The following DLGAP3 variants were observed in gnomAD, a reference collection of about 807,000 sequenced individuals.
DLGAP3 encodes DLG associated protein 3.
Under a neutral mutation model 81.2 loss-of-function variants are expected in DLGAP3, and 17 were observed. The observed-to-expected ratio is 0.21, with a 90% CI of 0.14 to 0.31. The LOEUF (loss-of-function observed/expected upper bound fraction) is 0.31, where lower values mean the gene tolerates loss of function less well. Ranked by LOEUF, DLGAP3 falls within the 10% of genes least tolerant of loss-of-function variation. The probability of loss-of-function intolerance (pLI) is 1.00; values close to 1 mark genes in which losing one functional copy is unlikely to be tolerated. For missense variants in DLGAP3, 1,124 were observed against 1,388.0 expected (o/e 0.81, Z 3.02); for synonymous variants, 577 against 587.4 (o/e 0.98, Z 0.26).
chr1:34,889,878 G>A (rs1639287298), intron 5 of DLGAP3, among the ~76,000 whole-genome samples: 1 of 152,218 alleles, frequency 6.6e-6, no homozygotes, highest in African/African-American at 2.4e-5. Flanking sequence ...GAGGCGGGAG[G>A]TGGGGGCAGG....
intron 1 of DLGAP3, among the ~76,000 whole-genome samples, chr1:34,917,778 A>G (rs1373763543): frequency 6.6e-6 from 1 of 152,232 alleles, no homozygotes. Flanking sequence ...ACATCTGCTC[A>G]AGGTCATTCA....
rs1422188483 is a variant in DLGAP3, at chr1:34,904,479, T to C, written c.905A>G (p.Lys302Arg). The stretch of plus-strand genomic sequence containing the variant: ...GCCTTCCGACCCGCCCGAGCGCCCC[T>C]TGAAGCTCAAGTCCCGGTAGGACCC... The part of the protein sequence containing the change: ...PDGSYRDLSF[K>R]GRSGGSEGRC... Residue 302 changes from lysine to arginine, a missense_variant, in exon 3 of 12, where the codon AAG becomes AGG. Around this residue, in one of 9 missense-constraint regions of DLGAP3, gnomAD observed 357 missense variants for 408.8 expected, o/e 0.87. Coordinates refer to ENST00000373347, the MANE Select transcript of DLGAP3 (RefSeq NM_001080418.3). The surrounding 1 kb of genome is among the most constrained non-coding windows in gnomAD (Gnocchi z 8.1). 14 of 1,614,066 alleles carry C rather than the reference T, an allele frequency of 8.7e-6. No individual in the cohort carries two copies. The highest frequency in any genetic ancestry group is 6.7e-5 in the African/African-American group (5 of 74,940).
chr1:34,883,928 G>C (rs577781533), intron 8 of DLGAP3, among the ~76,000 whole-genome samples: 3 of 151,874 alleles, frequency 2.0e-5, no homozygotes, highest in Non-Finnish European at 4.4e-5. Flanking sequence ...TTTGTGTTTT[G>C]GGTTTTTTTT....
At position 34,905,482 on chromosome 1, in the gene DLGAP3, C is replaced by T. The variant is rs80255217; in HGVS notation, c.-51-48G>A. 8.6e-3 allele frequency: 11,279 copies of T among 1,307,804 alleles called. 91 individuals carry two copies. The highest frequency in any genetic ancestry group is 9.5e-3 in the Non-Finnish European group (9,165 of 968,584). 81.0% of individuals were successfully genotyped at this position (1,307,804 alleles called of 1,614,324 possible). On this transcript the variant is annotated intron_variant, in intron 2 of 11. Coordinates refer to ENST00000373347, the MANE Select transcript of DLGAP3 (RefSeq NM_001080418.3). ...TATTTGAATTGAACAGCCCTCTTCA[C>T]CTAAAACCATCTTTTATTAGGCATC... is the stretch of plus-strand genomic sequence containing the variant.
chr1:34,924,588 C>T (rs1639841487), intron 1 of DLGAP3, among the ~76,000 whole-genome samples: 1 of 152,272 alleles, frequency 6.6e-6, no homozygotes, highest in East Asian at 1.9e-4. Flanking sequence ...TTCTCTTAAT[C>T]CAGAACCACC....
At position 34,902,012 on chromosome 1, in the gene DLGAP3, G is replaced by A. The variant is rs6425923; in HGVS notation, c.1108-1739C>T. The stretch of plus-strand genomic sequence containing the variant: ...AAGAAGGATCGGCCTGGGATGGGTG[G>A]TCCCAGCTTTTCCTATGAGCCAAGG... On this transcript the variant is annotated intron_variant, in intron 3 of 11. Coordinates refer to ENST00000373347, the MANE Select transcript of DLGAP3 (RefSeq NM_001080418.3). The surrounding 1 kb of genome is among the most constrained non-coding windows in gnomAD (Gnocchi z 4.4). 7.9e-3 allele frequency among the ~76,000 whole-genome samples: 1,204 copies of A among 152,250 alleles called. 22 individuals carry two copies. Among genetic ancestry groups the A allele is most frequent in the African/African-American group, 0.028 (1,143 of 41,528 alleles).
At position 34,873,280 on chromosome 1, in the gene DLGAP3, T is replaced by G. The variant is rs1476224810; in HGVS notation, c.2001-4191A>C. ...CAGAAGTCCCACCAGTTGACCCCAA[T>G]CATCACAATGAAGTGGGCGATGGGG... On this transcript the variant is annotated intron_variant, in intron 8 of 11. Coordinates refer to ENST00000373347, the MANE Select transcript of DLGAP3 (RefSeq NM_001080418.3). The surrounding 1 kb of genome is among the most constrained non-coding windows in gnomAD (Gnocchi z 4.2). Among the ~76,000 whole-genome samples the G allele has an allele frequency of 2.0e-5, 3 of 152,146 alleles. No homozygotes were observed. Among genetic ancestry groups the G allele is most frequent in the Non-Finnish European group, 4.4e-5 (3 of 68,030 alleles).
chr1:34,908,834 C>A (rs1321777283), intron 1 of DLGAP3, among the ~76,000 whole-genome samples: 2 of 152,224 alleles, frequency 1.3e-5, no homozygotes, highest in Non-Finnish European at 2.9e-5. Flanking sequence ...ACTAGGGTGA[C>A]CTCACAGATA....
intron 1 of DLGAP3, among the ~76,000 whole-genome samples, chr1:34,911,742 C>T (rs1041088670): frequency 6.6e-6 from 1 of 152,160 alleles, no homozygotes; most frequent in African/African-American, 2.4e-5. Context: ...GGCTGCCAGG[C>T]TGGCAGGGTT....
intron 5 of DLGAP3, among the ~76,000 whole-genome samples, chr1:34,888,344 A>T (rs1262694361): frequency 6.6e-6 from 1 of 152,208 alleles, no homozygotes; most frequent in African/African-American, 2.4e-5. Context: ...TTGTCTGAGG[A>T]TGCCCAGCTG....
Position 34,895,917 on chromosome 1 carries a change from TAC to T in DLGAP3, c.1386+3750_1386+3751del, listed in dbSNP as rs34456104. On this transcript the variant is annotated intron_variant, in intron 5 of 11. Transcript: ENST00000373347. The surrounding 1 kb of genome is among the most constrained non-coding windows in gnomAD (Gnocchi z 4.5). ...CTGGACCCCTAACTTGAATCACACA[TAC>T]ACACACACACACACACACACACACA... is the stretch of plus-strand genomic sequence containing the variant. Among the ~76,000 whole-genome samples, 37,200 of 144,166 alleles carry T rather than the reference TAC, an allele frequency of 0.26. 4,787 individuals are homozygous for T. The highest frequency in any genetic ancestry group is 0.31 in the Non-Finnish European group (20,540 of 65,704). 94.6% of individuals were successfully genotyped at this position (144,166 alleles called of 152,430 possible).
intron 1 of DLGAP3, among the ~76,000 whole-genome samples, chr1:34,922,854 G>C (rs1319449652): frequency 6.6e-6 from 1 of 152,024 alleles, no homozygotes; most frequent in African/African-American, 2.4e-5. Context: ...CCTCTTGCTA[G>C]TCTCCCACTT....
rs527755670 is a variant in DLGAP3 at position 34,865,911 on chromosome 1, G to C, written c.*172C>G. The C allele has an allele frequency of 1.4e-6, 1 of 706,876 alleles. No individual in the cohort carries two copies. Among genetic ancestry groups the C allele is most frequent in the Non-Finnish European group, 2.5e-6 (1 of 401,658 alleles). The allele number at this position is 706,876 out of a possible 1,614,324, so 43.8% of individuals were successfully genotyped here. A position where few individuals can be genotyped will look rare whatever the true frequency, so the allele number is the denominator to read the frequency against. On this transcript the variant is annotated 3_prime_UTR_variant, in exon 12 of 12. Coordinates refer to ENST00000373347, the MANE Select transcript of DLGAP3 (RefSeq NM_001080418.3). ...CTGCCCAGCCCGGGCGCCTTCGCGT[G>C]GGATCAGGAAGGTAAAAAACCCACG...
intron 1 of DLGAP3, among the ~76,000 whole-genome samples, chr1:34,910,961 T>A (rs536031509): frequency 6.6e-6 from 1 of 152,098 alleles, no homozygotes; most frequent in South Asian, 2.1e-4. Flanking sequence ...AAGAACAAGA[T>A]GCTTTCGTTT....
Position 34,899,945 on chromosome 1 carries a change from G to A in DLGAP3, c.1313+123C>T, listed in dbSNP as rs1006674706. 19 of 949,126 alleles carry A rather than the reference G, an allele frequency of 2.0e-5. No individual in the cohort carries two copies. In the African/African-American group the frequency reaches 2.7e-4, roughly 14 times the overall value. 58.8% of individuals were successfully genotyped at this position (949,126 alleles called of 1,614,324 possible). On this transcript the variant is annotated intron_variant, in intron 4 of 11. Transcript: ENST00000373347. ...AGACCCTCCCTTTACATGGAGTGGAGTGAGACACCCCAGTTGAAACCTAAG... is the reference window on the plus strand; with the variant it reads ...AGACCCTCCCTTTACATGGAGTGGAATGAGACACCCCAGTTGAAACCTAAG...
intron 5 of DLGAP3, among the ~76,000 whole-genome samples, chr1:34,897,837 G>T (rs780634978): frequency 6.6e-6 from 1 of 152,120 alleles, no homozygotes; most frequent in African/African-American, 2.4e-5. Flanking sequence ...TTTAAAGGTG[G>T]GACCAGCAGG....
chr1:34,870,497 C>T (rs1638964010), intron 8 of DLGAP3, among the ~76,000 whole-genome samples: 1 of 151,184 alleles, frequency 6.6e-6, no homozygotes, highest in Admixed American at 6.6e-5. Flanking sequence ...GCTGCCCAGG[C>T]CTTCTCTCCC....
chr1:34,879,400 T>C (rs550968469), intron 8 of DLGAP3, among the ~76,000 whole-genome samples: 1 of 152,300 alleles, frequency 6.6e-6, no homozygotes, highest in East Asian at 1.9e-4. Context: ...GAGAATCGAA[T>C]GCTACCGCAG....
chr1:34,915,277 A>C (rs1234912399), intron 1 of DLGAP3, among the ~76,000 whole-genome samples: 2 of 152,194 alleles, frequency 1.3e-5, no homozygotes, highest in African/African-American at 4.8e-5. Flanking sequence ...ATATGTCTCT[A>C]TATGTTGGCT....
Sources: allele counts gnomAD v4.1 joint callset (sites outside exome capture counted in the v4.1 genomes callset), GRCh38; gene constraint gnomAD v4.1.1; regional missense constraint gnomAD v4.1.1; non-coding constraint Gnocchi (gnomAD v3.1); transcripts MANE v1.5; gene names NCBI Gene and HGNC (gene_info 2026-07-23, HGNC 2026-07-21).